The following MDGA2 variants were observed in gnomAD, a reference collection of about 807,000 sequenced individuals.
The protein encoded by MDGA2 is MAM domain-containing glycosylphosphatidylinositol anchor protein 2.
MDGA2 carries 40 observed loss-of-function variants against 117.8 expected under a neutral mutation model. The ratio of observed to expected loss-of-function variants is 0.34; its 90% confidence interval spans 0.26 to 0.44. The LOEUF (loss-of-function observed/expected upper bound fraction) is 0.44, where lower values mean the gene tolerates loss of function less well. MDGA2 is among the 20% of genes least tolerant of loss of function. The pLI is 1.00. For missense variants in MDGA2, 1,123 were observed against 1,250.6 expected, an observed-to-expected ratio of 0.90 and a Z score of 1.54; for synonymous variants, 452 against 439.0, an observed-to-expected ratio of 1.03 and a Z score of -0.37.
intron 1 of MDGA2, among the ~76,000 whole-genome samples, chr14:47,501,922 C>A (rs1894407275): frequency 6.6e-6 from 1 of 151,964 alleles, no homozygotes; most frequent in Non-Finnish European, 1.5e-5. Flanking sequence ...ATTCAATTGT[C>A]TATATTAGTT....
chr14:47,493,757 C>T (rs1894221933), intron 1 of MDGA2, among the ~76,000 whole-genome samples: 1 of 151,968 alleles, frequency 6.6e-6, no homozygotes, highest in Non-Finnish European at 1.5e-5. Context: ...AAACATTTGG[C>T]TTATTTTTGT....
At chr14:47,083,901 C>G (rs1327109388) in intron 6 of MDGA2, among the ~76,000 whole-genome samples, 2 of 151,192 alleles carry the variant, frequency 1.3e-5, no homozygotes, top group African/African-American at 2.5e-5. Context: ...TACCCTTCCC[C>G]CTCCAAAAAA....
intron 2 of MDGA2, among the ~76,000 whole-genome samples, chr14:47,268,204 C>G (rs1888028415): frequency 1.3e-5 from 2 of 151,870 alleles, no homozygotes; most frequent in South Asian, 2.1e-4. Flanking sequence ...TCCTGAGTAG[C>G]TGGGGTTACA....
intron 1 of MDGA2, among the ~76,000 whole-genome samples, chr14:47,312,713 A>G (rs114923855): frequency 0.051 from 2,382 of 46,294 alleles, 64 homozygotes; most frequent in East Asian, 0.27. Flanking sequence ...TTTTTTTTGT[A>G]GAGATAGGGT....
intron 1 of MDGA2, among the ~76,000 whole-genome samples, chr14:47,478,906 T>C (rs1338825621): frequency 1.3e-5 from 2 of 152,188 alleles, no homozygotes; most frequent in East Asian, 1.9e-4. Context: ...AAGTAGTTTA[T>C]GAGGAGCCTC....
At chr14:47,213,377 G>A (rs1444313362) in intron 3 of MDGA2, among the ~76,000 whole-genome samples, 3 of 151,912 alleles carry the variant, frequency 2.0e-5, no homozygotes, top group African/African-American at 2.4e-5. Flanking sequence ...AAAGAGCTTC[G>A]TTTTTTTCCT....
At chr14:47,353,992 G>T (rs1267134514) in intron 1 of MDGA2, among the ~76,000 whole-genome samples, 2 of 152,064 alleles carry the variant, frequency 1.3e-5, no homozygotes, top group Non-Finnish European at 2.9e-5. Context: ...ATACAAGGAT[G>T]GTTCAACTTA....
At chr14:47,240,794 T>C (rs944871741) in intron 2 of MDGA2, among the ~76,000 whole-genome samples, 1 of 151,942 alleles carries the variant, frequency 6.6e-6, no homozygotes, top group Non-Finnish European at 1.5e-5. Flanking sequence ...TGCCCTCTCC[T>C]GATCTCCCAA....
chr14:47,215,206 C>T (rs1305571859), intron 3 of MDGA2, among the ~76,000 whole-genome samples: 1 of 151,740 alleles, frequency 6.6e-6, no homozygotes, highest in African/African-American at 2.4e-5. Flanking sequence ...TTTAGCATTT[C>T]CTAAAATAGT....
In MDGA2 at chr14:47,254,620, C is replaced by T. The variant is rs535972390; in HGVS notation, c.421-36425G>A. Among the ~76,000 whole-genome samples the T allele has an allele frequency of 3.3e-5, 5 of 152,280 alleles. No homozygotes were observed. In the South Asian group the frequency reaches 1.0e-3, roughly 32 times the overall value. On this transcript the variant is annotated intron_variant, in intron 2 of 16. Transcript: ENST00000399232. ...ACATCTTCCTCTCTTCTGAGCCCTC[C>T]AAGTTTCTAGGAAGTTCCAATCTTT...
chr14:47,609,603 C>G (rs1391917408), intron 1 of MDGA2, among the ~76,000 whole-genome samples: 1 of 150,670 alleles, frequency 6.6e-6, no homozygotes, highest in African/African-American at 2.4e-5. Context: ...GGTAGATACC[C>G]AGTAGTGGGA....
In MDGA2 at chr14:47,321,548, T is replaced by C. The variant is rs150906488; in HGVS notation, c.281-19998A>G. Among the ~76,000 whole-genome samples, 98 of 152,310 alleles carry C rather than the reference T, an allele frequency of 6.4e-4. 1 individual carries two copies. Among genetic ancestry groups the C allele is most frequent in the African/African-American group, 2.3e-3 (94 of 41,582 alleles). ...CAGAGAATGAGATTACCATCTGCTA[T>C]TCTGTGGTTTCTTCTGTGCTACAAA... On this transcript the variant is annotated intron_variant, in intron 1 of 16. Transcript: ENST00000399232.
intron 1 of MDGA2, among the ~76,000 whole-genome samples, chr14:47,361,722 T>C (rs767829703): frequency 1.3e-5 from 2 of 152,108 alleles, no homozygotes. Flanking sequence ...TACATAGGAT[T>C]CCATTCTTGA....
rs1373121231 is a variant in MDGA2, at chr14:47,297,955, T to G, written c.420+3456A>C. On this transcript the variant is annotated intron_variant, in intron 2 of 16. Coordinates refer to ENST00000399232, the MANE Select transcript of MDGA2 (RefSeq NM_001113498.3). ...TTTCTATTACATGCTGACATAATGC[T>G]TATGTACCAAGAATGTATAGTTGTA... Among the ~76,000 whole-genome samples the G allele has an allele frequency of 2.6e-5, 4 of 152,190 alleles. No homozygotes were observed. The East Asian group carries it at 7.7e-4, about 29-fold the overall frequency.
intron 1 of MDGA2, among the ~76,000 whole-genome samples, chr14:47,627,037 T>A (rs1594950831): frequency 6.6e-6 from 1 of 152,226 alleles, no homozygotes; most frequent in Admixed American, 6.5e-5. Context: ...GTCGGCACCG[T>A]GTGTCTAGCT....
At chr14:47,127,905 T>G (rs1881986049) in intron 5 of MDGA2, among the ~76,000 whole-genome samples, 1 of 152,064 alleles carries the variant, frequency 6.6e-6, no homozygotes, top group South Asian at 2.1e-4. Flanking sequence ...CTTTAAGGTA[T>G]GAAGTCCTTA....
At chr14:46,996,381 A>AC (rs1887292274) in intron 8 of MDGA2, 1 of 152,162 alleles carries the variant, frequency 6.6e-6, no homozygotes, top group African/African-American at 2.4e-5. Flanking sequence ...TCCTGAGGGA[A>AC]CCACAACCAA....
At chr14:46,935,642 G>C (rs1884751598) in intron 9 of MDGA2, among the ~76,000 whole-genome samples, 1 of 152,040 alleles carries the variant, frequency 6.6e-6, no homozygotes, top group African/African-American at 2.4e-5. Context: ...TTAACATTAG[G>C]TTTTCCTGCC....
chr14:46,968,010 G>A (rs1480093848), intron 8 of MDGA2, among the ~76,000 whole-genome samples: 1 of 152,114 alleles, frequency 6.6e-6, no homozygotes, highest in Admixed American at 6.5e-5. Context: ...ATAATCCGAA[G>A]CATGAGAAAA....
Sources: allele counts gnomAD v4.1 joint callset (sites outside exome capture counted in the v4.1 genomes callset), GRCh38; gene constraint gnomAD v4.1.1; transcripts MANE v1.5; gene names NCBI Gene and HGNC (gene_info 2026-07-23, HGNC 2026-07-21).